The following IFI27L1 variants were observed in gnomAD, a reference collection of about 807,000 sequenced individuals.
The protein encoded by IFI27L1 is interferon alpha inducible protein 27 like 1, also known as interferon alpha-inducible protein 27-like protein 1.
Under a neutral mutation model 9.2 loss-of-function variants are expected in IFI27L1, and 3 were observed. The observed-to-expected ratio is 0.32, with a 90% CI of 0.15 to 0.84. The LOEUF (loss-of-function observed/expected upper bound fraction) is 0.84. IFI27L1 is among the 40% of genes least tolerant of loss of function. The pLI, the probability that IFI27L1 is intolerant of heterozygous loss-of-function variation, is 0.56. For synonymous variants in IFI27L1, 53 were observed against 50.0 expected (o/e 1.06, Z -0.26); for missense variants, 133 against 134.2 (o/e 0.99, Z 0.05).
At chr14:94,091,425 A>T (rs534554996) in intron 1 of IFI27L1, among the ~76,000 whole-genome samples, 1 of 152,362 alleles carries the variant, frequency 6.6e-6, no homozygotes, top group African/African-American at 2.4e-5. Flanking sequence ...TAACTTAGTT[A>T]TACAAATACA....
intron 1 of IFI27L1, among the ~76,000 whole-genome samples, chr14:94,091,744 T>A (rs565884042): frequency 9.3e-4 from 141 of 152,288 alleles, no homozygotes; most frequent in Non-Finnish European, 1.7e-3. Context: ...AGGGAAGATT[T>A]AGCTTTCCAA....
chr14:94,095,620 G>C (rs1886640112), intron 1 of IFI27L1, among the ~76,000 whole-genome samples: 1 of 152,178 alleles, frequency 6.6e-6, no homozygotes, highest in Non-Finnish European at 1.5e-5. Context: ...GGGGGAGCAG[G>C]TGTGTCATAT....
In IFI27L1 at chr14:94,088,338, A is replaced by G. The variant is rs184290575; in HGVS notation, c.-52+6889A>G. On this transcript the variant is annotated intron_variant, in intron 1 of 4. Coordinates refer to ENST00000555523, the MANE Select transcript of IFI27L1 (RefSeq NM_206949.3). ...CATTTTACTGGCATAGATGCCCCAG[A>G]GCCAACAGGTGTGGCAGTGGCTTCC... 3.3e-5 allele frequency: 23 copies of G among 702,258 alleles called. No homozygotes were observed. The East Asian group carries it at 5.4e-4, about 16-fold the overall frequency. The allele number at this position is 702,258 out of a possible 1,614,324, so 43.5% of individuals were successfully genotyped here.
At chr14:94,086,110 G>A (rs1886270064) in intron 1 of IFI27L1, among the ~76,000 whole-genome samples, 1 of 152,158 alleles carries the variant, frequency 6.6e-6, no homozygotes, top group Non-Finnish European at 1.5e-5. Context: ...TGAATGGCTT[G>A]GGCCATCTGC....
chr14:94,102,032 AC>A, intron 4 of IFI27L1, 57 bp downstream of exon 4: 1 of 1,588,374 alleles, frequency 6.3e-7, no homozygotes, highest in Non-Finnish European at 8.6e-7. Context: ...CCGAGGCTGA[AC>A]CAGGGAGGCC....
intron 1 of IFI27L1, among the ~76,000 whole-genome samples, chr14:94,086,459 C>A (rs1448508478): frequency 6.6e-6 from 1 of 152,160 alleles, no homozygotes; most frequent in Non-Finnish European, 1.5e-5. Flanking sequence ...CTCTTTCACT[C>A]AACAATATCT....
intron 3 of IFI27L1, 188 bp downstream of exon 3, chr14:94,100,959 C>A: frequency 1.5e-6 from 1 of 662,850 alleles, no homozygotes; most frequent in Admixed American, 2.5e-5. Context: ...AGGCACAGGG[C>A]TTTGGAGGCA....
chr14:94,083,239 G>T (rs1307620826), intron 1 of IFI27L1, among the ~76,000 whole-genome samples: 2 of 152,216 alleles, frequency 1.3e-5, no homozygotes, highest in African/African-American at 2.4e-5. Context: ...CTGAATTGTG[G>T]CAATCTCGTG....
Position 94,094,055 on chromosome 14 carries a change from G to GA in IFI27L1, c.-51-2828dup, listed in dbSNP as rs1360307998. ...CCTTTTGCAAGACAAGGAAAGGAGG[G>GA]AAAATGAGCCCTGCACCCCAACCCC... On this transcript the variant is annotated intron_variant, in intron 1 of 4. Transcript: ENST00000555523. Among the ~76,000 whole-genome samples, 37 of 152,208 alleles carry GA rather than the reference G, an allele frequency of 2.4e-4. No homozygotes were observed. In the East Asian group the frequency reaches 7.2e-3, roughly 29 times the overall value.
intron 1 of IFI27L1, among the ~76,000 whole-genome samples, chr14:94,089,957 A>G (rs1304839232): frequency 6.6e-6 from 1 of 152,230 alleles, no homozygotes; most frequent in Non-Finnish European, 1.5e-5. Context: ...CTGGAAGATT[A>G]GTAAGTGTTC....
intron 1 of IFI27L1, among the ~76,000 whole-genome samples, chr14:94,090,836 A>G (rs1430080721): frequency 6.6e-6 from 1 of 152,244 alleles, no homozygotes; most frequent in Non-Finnish European, 1.5e-5. Flanking sequence ...TATTGTACTT[A>G]TGCAGATAAC....
intron 1 of IFI27L1, among the ~76,000 whole-genome samples, chr14:94,084,906 G>C (rs149262373): frequency 6.6e-6 from 1 of 152,070 alleles, no homozygotes; most frequent in Admixed American, 6.6e-5. Flanking sequence ...ACATACAACC[G>C]AGTTTTTGCT....
intron 1 of IFI27L1, among the ~76,000 whole-genome samples, chr14:94,082,261 T>C (rs1438983675): frequency 6.6e-6 from 1 of 151,674 alleles, no homozygotes; most frequent in Non-Finnish European, 1.5e-5. Context: ...TATTCTATGA[T>C]GACTGAGAGA....
chr14:94,092,362 A>G (rs1415824054), intron 1 of IFI27L1, among the ~76,000 whole-genome samples: 1 of 151,266 alleles, frequency 6.6e-6, no homozygotes, highest in Non-Finnish European at 1.5e-5. Context: ...AAATACAAAA[A>G]TTAGCCAGCT....
chr14:94,101,047 C>A, intron 3 of IFI27L1: 2 of 587,394 alleles, frequency 3.4e-6, no homozygotes, highest in South Asian at 4.2e-5. Context: ...GCAGTCACAG[C>A]CCGGGATTCC....
At chr14:94,096,840 G>C (rs766526400) in intron 1 of IFI27L1, 47 bp from the exon 2 acceptor site, 3 of 1,066,936 alleles carry the variant, frequency 2.8e-6, no homozygotes, top group Non-Finnish European at 4.3e-6. Flanking sequence ...TATTAATGCA[G>C]CTTTATTCAA....
At chr14:94,101,182 C>T in intron 3 of IFI27L1, 1 of 353,530 alleles carries the variant, frequency 2.8e-6, no homozygotes, top group Non-Finnish European at 5.2e-6. Flanking sequence ...GAGTCAGAAG[C>T]TTTTGACCTG....
chr14:94,083,932 GAAAA>G (rs1289281933), intron 1 of IFI27L1, among the ~76,000 whole-genome samples: 1 of 151,876 alleles, frequency 6.6e-6, no homozygotes, highest in African/African-American at 2.4e-5. Flanking sequence ...TTTAAAAAAA[GAAAA>G]AGAAAGAAGG....
intron 1 of IFI27L1, among the ~76,000 whole-genome samples, chr14:94,092,003 G>C (rs534496027): frequency 6.4e-4 from 97 of 151,882 alleles, no homozygotes; most frequent in Admixed American, 1.4e-3. Flanking sequence ...GCGGGTGCCT[G>C]TAATCCCAGC....
Sources: allele counts gnomAD v4.1 joint callset (sites outside exome capture counted in the v4.1 genomes callset), GRCh38; gene constraint gnomAD v4.1.1; transcripts MANE v1.5; gene names NCBI Gene and HGNC (gene_info 2026-07-23, HGNC 2026-07-21).